Variants in AJAP1 observed in about 807,000 individuals in gnomAD.
AJAP1 encodes the protein adherens junction-associated protein 1.
In AJAP1, 5 loss-of-function variants were observed where a neutral mutation model predicts 35.0. That is an observed-to-expected ratio of 0.14 (90% CI 0.07 to 0.30). The LOEUF (loss-of-function observed/expected upper bound fraction) is 0.30, where lower values mean the gene tolerates loss of function less well. Among genes scored for constraint, AJAP1 ranks in the 10% least tolerant of loss-of-function variants. The pLI, the probability that AJAP1 is intolerant of heterozygous loss-of-function variation, is 1.00. For missense variants in AJAP1, 586 were observed against 571.0 expected (o/e 1.03, Z -0.27); for synonymous variants, 284 against 249.3 (o/e 1.14, Z -1.31).
intron 2 of AJAP1, among the ~76,000 whole-genome samples, chr1:4,737,110 C>T (rs769432563): frequency 4.6e-5 from 7 of 152,176 alleles, no homozygotes; most frequent in African/African-American, 9.7e-5. Context: ...TGCAGCATCG[C>T]GAGCAAAGTG....
At chr1:4,660,678 GTA>G (rs1638982004) in intron 1 of AJAP1, among the ~76,000 whole-genome samples, 1 of 152,072 alleles carries the variant, frequency 6.6e-6, no homozygotes, top group African/African-American at 2.4e-5. Context: ...TCGTGTATTT[GTA>G]TTTAACAGCA....
In AJAP1 at chr1:4,712,635, T is replaced by C; in HGVS notation, c.765T>C (p.Pro255=). The change falls in exon 2 of 6, where the codon CCT becomes CCC. Residue 255 remains proline (P), a synonymous_variant. Transcript: ENST00000378191. The part of the protein sequence containing the change: ...RIPGGVSTTE[P]STSPSNNGEV... ...CAGGTGGGGTTAGCACAACGGAGCC[T>C]TCCACCAGTCCCAGCAACAACGGGG... 6.4e-7 allele frequency: 1 copy of C among 1,563,278 alleles called. No individual in the cohort carries two copies. Among genetic ancestry groups the C allele is most frequent in the Non-Finnish European group, 8.7e-7 (1 of 1,149,478 alleles).
intron 2 of AJAP1, among the ~76,000 whole-genome samples, chr1:4,754,169 A>G (rs537120242): frequency 1.7e-4 from 26 of 152,350 alleles, no homozygotes; most frequent in Non-Finnish European, 3.4e-4. Context: ...GTTGAAAAAA[A>G]TTAAAAGGAT....
chr1:4,762,278 A>G (rs909570021), intron 2 of AJAP1, among the ~76,000 whole-genome samples: 14 of 152,174 alleles, frequency 9.2e-5, no homozygotes, highest in African/African-American at 2.4e-4. Flanking sequence ...CTTGCCCCCA[A>G]TTCCCTCAGG....
At chr1:4,690,876 G>A (rs1231548847) in intron 1 of AJAP1, among the ~76,000 whole-genome samples, 2 of 152,220 alleles carry the variant, frequency 1.3e-5, no homozygotes, top group South Asian at 4.1e-4. Flanking sequence ...TATCCAGGGA[G>A]CAGGGACCTT....
At chr1:4,658,658 A>AC (rs1291603935) in intron 1 of AJAP1, among the ~76,000 whole-genome samples, 3 of 151,864 alleles carry the variant, frequency 2.0e-5, no homozygotes, top group Non-Finnish European at 4.4e-5. Flanking sequence ...ATCGGTACAT[A>AC]CCCCCCTTTC....
At chr1:4,778,374 C>T (rs751229842) in intron 5 of AJAP1, among the ~76,000 whole-genome samples, 54 of 152,322 alleles carry the variant, frequency 3.5e-4, no homozygotes, top group Non-Finnish European at 5.3e-4. Flanking sequence ...ATGAGAGGCT[C>T]ACGTGCTAAG....
rs552358031 is a variant in AJAP1 at position 4,729,283 on chromosome 1, G to A, written c.829+16584G>A. ...GTGAGGGGAGCACAGGGCAGGGCCC[G>A]AGTCTCGAGGGCGTCACTCCTCCTG... On this transcript the variant is annotated intron_variant, in intron 2 of 5. Coordinates refer to ENST00000378191, the MANE Select transcript of AJAP1 (RefSeq NM_018836.4). Among the ~76,000 whole-genome samples the A allele has an allele frequency of 3.3e-5, 5 of 152,232 alleles. No homozygotes were observed. The South Asian group carries it at 6.2e-4, about 19-fold the overall frequency.
chr1:4,769,675 G>C (rs1641789476), intron 2 of AJAP1, among the ~76,000 whole-genome samples, 178 bp from the exon 3 acceptor site: 1 of 152,134 alleles, frequency 6.6e-6, no homozygotes, highest in African/African-American at 2.4e-5. Flanking sequence ...TCATGCCCGG[G>C]GCCTGCAGTC....
intron 1 of AJAP1, among the ~76,000 whole-genome samples, chr1:4,674,586 C>CT (rs1239866354): frequency 6.6e-6 from 1 of 152,230 alleles, no homozygotes; most frequent in Non-Finnish European, 1.5e-5. Flanking sequence ...TAGGAGGTCC[C>CT]TGAGCCCCAG....
rs755574166 is a variant in AJAP1, at chr1:4,712,257, C to T, written c.387C>T (p.Ser129=). Residue 129 remains serine (S), a synonymous_variant, in exon 2 of 6, where the codon TCC becomes TCT. Coordinates refer to ENST00000378191, the MANE Select transcript of AJAP1 (RefSeq NM_018836.4). ...KPPAAAKSSP[S]LASSSSSSSS... Reference sequence around the variant, plus strand: ...CAGCTGCTGCCAAATCCAGCCCTTCCCTCGCCTCTTCGTCCTCGTCCTCGT... The same window carrying T: ...CAGCTGCTGCCAAATCCAGCCCTTCTCTCGCCTCTTCGTCCTCGTCCTCGT... 2.6e-6 allele frequency: 4 copies of T among 1,527,664 alleles called. No individual in the cohort carries two copies. The Admixed American group carries it at 6.3e-5, about 24-fold the overall frequency. The allele number at this position is 1,527,664 out of a possible 1,614,324, so 94.6% of individuals were successfully genotyped here.
At chr1:4,683,836 G>A (rs1301540751) in intron 1 of AJAP1, among the ~76,000 whole-genome samples, 7 of 152,222 alleles carry the variant, frequency 4.6e-5, no homozygotes, top group Admixed American at 1.3e-4. Flanking sequence ...GCCAGGGTGG[G>A]ACTTGCACAG....
At chr1:4,709,813 A>T (rs1570139314) in intron 1 of AJAP1, among the ~76,000 whole-genome samples, 1 of 152,168 alleles carries the variant, frequency 6.6e-6, no homozygotes, top group African/African-American at 2.4e-5. Context: ...GCAGCAAAGC[A>T]CTTCTATTCT....
chr1:4,761,953 G>A (rs186041005), intron 2 of AJAP1, among the ~76,000 whole-genome samples: 64 of 152,056 alleles, frequency 4.2e-4, no homozygotes, highest in African/African-American at 1.4e-3. Flanking sequence ...TGACACCCTC[G>A]CAGACCCATC....
rs537008875 is a variant in AJAP1 at position 4,698,790 on chromosome 1, T to C, written c.30-13110T>C. On this transcript the variant is annotated intron_variant, in intron 1 of 5. Coordinates refer to ENST00000378191, the MANE Select transcript of AJAP1 (RefSeq NM_018836.4). ...AAACTCCTGATTCTGTCCTCCTCAC[T>C]GTGTGCCCTCCGATGTGCCAGAACT... 2.0e-4 allele frequency among the ~76,000 whole-genome samples: 31 copies of C among 152,306 alleles called. No individual in the cohort carries two copies. In the South Asian group the frequency reaches 6.4e-3, roughly 32 times the overall value.
At chr1:4,748,747 CAAAAAA>C (rs70955802) in intron 2 of AJAP1, among the ~76,000 whole-genome samples, 9 of 98,296 alleles carry the variant, frequency 9.2e-5, no homozygotes, top group East Asian at 9.8e-4. Context: ...GACTCTGTCT[CAAAAAA>C]AAAAAAAAAA....
At chr1:4,753,088 T>C (rs1427628480) in intron 2 of AJAP1, among the ~76,000 whole-genome samples, 4 of 152,178 alleles carry the variant, frequency 2.6e-5, no homozygotes, top group African/African-American at 9.7e-5. Context: ...TCTCCTTCTT[T>C]TACGGCGTTT....
At chr1:4,709,243 T>A (rs1009975141) in intron 1 of AJAP1, among the ~76,000 whole-genome samples, 8 of 5,068 alleles carry the variant, frequency 1.6e-3, no homozygotes, top group African/African-American at 6.9e-3. Flanking sequence ...TGGGGCCTGG[T>A]GGGGGCCGGT....
chr1:4,667,890 T>C (rs920794008), intron 1 of AJAP1, among the ~76,000 whole-genome samples: 2 of 152,090 alleles, frequency 1.3e-5, no homozygotes, highest in Non-Finnish European at 2.9e-5. Context: ...GGGAAGACGT[T>C]TGGGGAAGTT....
Sources: allele counts gnomAD v4.1 joint callset (sites outside exome capture counted in the v4.1 genomes callset), GRCh38; gene constraint gnomAD v4.1.1; transcripts MANE v1.5; gene names NCBI Gene and HGNC (gene_info 2026-07-23, HGNC 2026-07-21).